HS3ST2: variants seen among roughly 807,000 people sequenced by gnomAD.
The protein encoded by HS3ST2 is heparan sulfate glucosamine 3-O-sulfotransferase 2.
In HS3ST2, 17 loss-of-function variants were observed where a neutral mutation model predicts 26.3. The observed-to-expected ratio is 0.65, with a 90% confidence interval of 0.44 to 0.97. The LOEUF (loss-of-function observed/expected upper bound fraction) is 0.97, where lower values mean the gene tolerates loss of function less well. Among genes scored for constraint, HS3ST2 ranks in the 50% least tolerant of loss-of-function variants. HS3ST2 has a pLI of 0.00. For synonymous variants in HS3ST2, 237 were observed against 219.2 expected (o/e 1.08, Z -0.72); for missense variants, 402 against 501.2 (o/e 0.80, Z 1.89).
intron 1 of HS3ST2, among the ~76,000 whole-genome samples, chr16:22,898,143 C>T (rs1902231556): frequency 1.3e-5 from 2 of 152,168 alleles, no homozygotes. Flanking sequence ...CTTTTGCCTG[C>T]CTATGATGGC....
At chr16:22,839,611 T>C (rs1901322937) in intron 1 of HS3ST2, among the ~76,000 whole-genome samples, 1 of 151,966 alleles carries the variant, frequency 6.6e-6, no homozygotes, top group South Asian at 2.1e-4. Flanking sequence ...GTCAGGATAT[T>C]GTATGCTTTT....
rs34942780 is a variant in HS3ST2 at position 22,864,882 on chromosome 16, CA to C, written c.485+49807del. Reference sequence around the variant, plus strand: ...GCAACATAGGGAGACCCTGTCTCCACAAAAAAAAAAAAAAAAAAAATAGCCG... The same window carrying C: ...GCAACATAGGGAGACCCTGTCTCCACAAAAAAAAAAAAAAAAAAATAGCCG... On this transcript the variant is annotated intron_variant, in intron 1 of 1. Transcript: ENST00000261374. Among the ~76,000 whole-genome samples, 144 of 57,146 alleles carry C rather than the reference CA, an allele frequency of 2.5e-3. 2 individuals are homozygous for C. The highest frequency in any genetic ancestry group is 0.012 in the Middle Eastern group (1 of 84). 37.5% of individuals were successfully genotyped at this position (57,146 alleles called of 152,430 possible). A position where few individuals can be genotyped will look rare whatever the true frequency, so the allele number is the denominator to read the frequency against.
intron 1 of HS3ST2, among the ~76,000 whole-genome samples, chr16:22,850,977 G>A (rs1429993054): frequency 6.6e-6 from 1 of 152,158 alleles, no homozygotes; most frequent in Non-Finnish European, 1.5e-5. Context: ...TCACCTGTGA[G>A]CTCAGTTTGG....
chr16:22,896,281 A>G (rs565386145), intron 1 of HS3ST2, among the ~76,000 whole-genome samples: 86 of 152,314 alleles, frequency 5.6e-4, no homozygotes, highest in African/African-American at 2.0e-3. Context: ...GATTTTTTGA[A>G]GAGCAGGATC....
intron 1 of HS3ST2, among the ~76,000 whole-genome samples, chr16:22,885,852 T>C (rs1298858239): frequency 2.6e-5 from 4 of 152,166 alleles, no homozygotes; most frequent in Non-Finnish European, 5.9e-5. Flanking sequence ...GTCCACCCAC[T>C]GTGGTCACTG....
chr16:22,899,844 C>T (rs1902260859), intron 1 of HS3ST2, among the ~76,000 whole-genome samples: 1 of 152,210 alleles, frequency 6.6e-6, no homozygotes, highest in Non-Finnish European at 1.5e-5. Flanking sequence ...TTAATTACCT[C>T]CCACCAGGTC....
intron 1 of HS3ST2, among the ~76,000 whole-genome samples, chr16:22,848,843 G>A (rs1029603359): frequency 5.3e-5 from 8 of 152,146 alleles, no homozygotes; most frequent in South Asian, 2.1e-4. Flanking sequence ...CCCTGACACC[G>A]TACCATGCAT....
chr16:22,879,726 G>A (rs893075980), intron 1 of HS3ST2, among the ~76,000 whole-genome samples: 5 of 152,152 alleles, frequency 3.3e-5, no homozygotes, highest in Non-Finnish European at 7.4e-5. Context: ...AGCCTCTCTG[G>A]GGGCCGCTGG....
intron 1 of HS3ST2, among the ~76,000 whole-genome samples, chr16:22,819,626 C>G (rs1291848224): frequency 6.6e-6 from 1 of 152,142 alleles, no homozygotes; most frequent in African/African-American, 2.4e-5. Flanking sequence ...ACTCTGTGTT[C>G]TGGTGTCCAA....
At chr16:22,866,518 C>T (rs768547149) in intron 1 of HS3ST2, among the ~76,000 whole-genome samples, 2 of 151,844 alleles carry the variant, frequency 1.3e-5, no homozygotes, top group Admixed American at 6.6e-5. Flanking sequence ...GCTTATAATC[C>T]CAGTACATTG....
intron 1 of HS3ST2, among the ~76,000 whole-genome samples, chr16:22,909,349 A>G (rs1952166141): frequency 6.6e-6 from 1 of 152,238 alleles, no homozygotes; most frequent in Admixed American, 6.5e-5. Context: ...AGCTACATAG[A>G]AAACAAAGGA....
chr16:22,862,335 T>C (rs961731457), intron 1 of HS3ST2, among the ~76,000 whole-genome samples: 5 of 150,664 alleles, frequency 3.3e-5, no homozygotes, highest in African/African-American at 4.9e-5. Flanking sequence ...CAGTAGACTG[T>C]GGGCTAGTTG....
chr16:22,864,331 A>C (rs559060923), intron 1 of HS3ST2, among the ~76,000 whole-genome samples: 1 of 152,340 alleles, frequency 6.6e-6, no homozygotes, highest in East Asian at 1.9e-4. Context: ...ATCAAGTTCC[A>C]AGGATATTTC....
At chr16:22,838,476 A>G (rs1325551811) in intron 1 of HS3ST2, among the ~76,000 whole-genome samples, 2 of 152,074 alleles carry the variant, frequency 1.3e-5, no homozygotes, top group African/African-American at 4.8e-5. Context: ...ATAGACCACA[A>G]ACGGCCTCTT....
chr16:22,870,624 T>C (rs1335932501), intron 1 of HS3ST2, among the ~76,000 whole-genome samples: 2 of 152,152 alleles, frequency 1.3e-5, no homozygotes, highest in African/African-American at 4.8e-5. Context: ...ACTGGCTTCC[T>C]CCCTGTCCCC....
intron 1 of HS3ST2, among the ~76,000 whole-genome samples, chr16:22,874,559 T>C (rs1264286520): frequency 6.6e-6 from 1 of 152,228 alleles, no homozygotes; most frequent in African/African-American, 2.4e-5. Context: ...CCCATATGGC[T>C]GTGAGTCTGT....
intron 1 of HS3ST2, among the ~76,000 whole-genome samples, chr16:22,913,002 A>G (rs1410909748): frequency 6.6e-6 from 1 of 152,076 alleles, no homozygotes; most frequent in Non-Finnish European, 1.5e-5. Flanking sequence ...CTGCCTTCCC[A>G]TTAGAATGAG....
At chr16:22,901,125 G>C in intron 1 of HS3ST2, among the ~76,000 whole-genome samples, 1 of 152,162 alleles carries the variant, frequency 6.6e-6, no homozygotes. Context: ...AAGTGAAGTT[G>C]GCATTACCAT....
At chr16:22,911,169 T>G (rs1902420821) in intron 1 of HS3ST2, among the ~76,000 whole-genome samples, 2 of 152,176 alleles carry the variant, frequency 1.3e-5, no homozygotes, top group South Asian at 4.2e-4. Flanking sequence ...TGACAGCAAT[T>G]TTCTCCAGTG....
Sources: gnomAD v4.1 joint callset for allele counts (sites outside exome capture counted in the v4.1 genomes callset) on GRCh38, gnomAD v4.1.1 for gene constraint, MANE v1.5 for transcripts, NCBI Gene and HGNC (gene_info 2026-07-23, HGNC 2026-07-21) for gene names.